Variants in KCNT1 observed in about 807,000 individuals in gnomAD.
The protein encoded by KCNT1 is potassium sodium-activated channel subfamily T member 1.
In KCNT1, 78 loss-of-function variants were observed where a neutral mutation model predicts 147.8. The ratio of observed to expected loss-of-function variants is 0.53; its 90% CI spans 0.44 to 0.64. KCNT1 has a LOEUF of 0.64. Ranked by LOEUF, KCNT1 falls within the 30% of genes least tolerant of loss-of-function variation. The pLI, the probability that KCNT1 is intolerant of heterozygous loss-of-function variation, is 0.00. For missense variants in KCNT1, 1,419 were observed against 1,750.3 expected (o/e 0.81, Z 3.38); for synonymous variants, 867 against 748.8 (o/e 1.16, Z -2.58).
intron 2 of KCNT1, chr9:135,736,794 G>C (rs1281607727): frequency 2.7e-6 from 1 of 376,094 alleles, no homozygotes; most frequent in Non-Finnish European, 4.7e-6. Context: ...AGAGGTAGGG[G>C]CGCGCGGGCC....
intron 24 of KCNT1, among the ~76,000 whole-genome samples, chr9:135,780,405 GACAC>G (rs1446528676): frequency 6.6e-6 from 1 of 152,160 alleles, no homozygotes; most frequent in African/African-American, 2.4e-5. Context: ...CCAGGCAGAG[GACAC>G]ACACGGGCAC....
At chr9:135,741,134 C>T (rs556821894) in intron 2 of KCNT1, among the ~76,000 whole-genome samples, 83 of 152,352 alleles carry the variant, frequency 5.4e-4, no homozygotes, top group African/African-American at 1.9e-3. Context: ...TCCTGGGCCT[C>T]AGGCTGTGGG....
chr9:135,769,130 TG>T (rs1832551343), intron 15 of KCNT1, among the ~76,000 whole-genome samples, 193 bp downstream of exon 15: 1 of 67,830 alleles, frequency 1.5e-5, no homozygotes, highest in African/African-American at 6.1e-5. Context: ...TCGGTGCGTC[TG>T]GGGCAGGGCG....
intron 2 of KCNT1, among the ~76,000 whole-genome samples, chr9:135,748,317 C>T (rs1383386693): frequency 6.6e-6 from 1 of 152,080 alleles, no homozygotes; most frequent in African/African-American, 2.4e-5. Context: ...AAGGCCCCTC[C>T]CGCCCGCCCC....
chr9:135,715,927 G>A (rs185604017), intron 2 of KCNT1, among the ~76,000 whole-genome samples: 1 of 152,270 alleles, frequency 6.6e-6, no homozygotes, highest in Non-Finnish European at 1.5e-5. Flanking sequence ...CTGCAGAGAG[G>A]CCTTTTAAAC....
rs1831249657 is a variant in KCNT1, at chr9:135,752,668, GTGGA to G, written c.435-1264_435-1261del. Among the ~76,000 whole-genome samples, 1 of 145,404 alleles carries G rather than the reference GTGGA, an allele frequency of 6.9e-6. No individual in the cohort carries two copies. The highest frequency in any genetic ancestry group is 1.5e-5 in the Non-Finnish European group (1 of 64,804). ...ACGGACGGATGGACGGATGGATGGA[GTGGA>G]TGGAGGGATGAGTGGATGGGTGGAT... is the stretch of plus-strand genomic sequence containing the variant. On this transcript the variant is annotated intron_variant, in intron 4 of 30. Transcript: ENST00000371757. The surrounding 1 kb of genome is among the most constrained non-coding windows in gnomAD (Gnocchi z 5.1).
At position 135,749,994 on chromosome 9, in the gene KCNT1, CA is replaced by C. The variant is rs1322614990; in HGVS notation, c.255-103del. 3.5e-6 allele frequency: 3 copies of C among 867,646 alleles called. No individual in the cohort carries two copies. The East Asian group carries it at 7.7e-5, about 22-fold the overall frequency. The allele number at this position is 867,646 out of a possible 1,614,324, so 53.7% of individuals were successfully genotyped here. ...CTGGGCCCTGACTTCTCAACTCCTG[CA>C]GTTGGAAAGTTGGAAGAAGTCAGTC... is the stretch of plus-strand genomic sequence containing the variant. On this transcript the variant is annotated intron_variant, in intron 2 of 30. Transcript: ENST00000371757.
chr9:135,763,957 G>A (rs1159954079), intron 11 of KCNT1, among the ~76,000 whole-genome samples: 5 of 152,166 alleles, frequency 3.3e-5, no homozygotes, highest in African/African-American at 9.7e-5. Context: ...CACCATCCGC[G>A]GGGAAGCCTC....
intron 20 of KCNT1, among the ~76,000 whole-genome samples, chr9:135,776,356 C>T (rs1833170289): frequency 6.6e-6 from 1 of 152,172 alleles, no homozygotes; most frequent in Non-Finnish European, 1.5e-5. Context: ...CTCCCAGGCT[C>T]AAGGGGTCCT....
chr9:135,703,558 C>T (rs114497267), intron 1 of KCNT1, among the ~76,000 whole-genome samples: 1,778 of 152,278 alleles, frequency 0.012, 26 homozygotes, highest in African/African-American at 0.04. Context: ...TGGTGATGTC[C>T]TTGGGAAGTG....
At chr9:135,742,186 G>C (rs1313716766) in intron 2 of KCNT1, among the ~76,000 whole-genome samples, 2 of 152,214 alleles carry the variant, frequency 1.3e-5, no homozygotes, top group Admixed American at 1.3e-4. Context: ...ATCGCAGGGA[G>C]CCTTGGGGCA....
intron 1 of KCNT1, among the ~76,000 whole-genome samples, chr9:135,704,552 G>A (rs1835171211): frequency 6.6e-6 from 1 of 152,238 alleles, no homozygotes; most frequent in South Asian, 2.1e-4. Context: ...GATGACAGCT[G>A]TTGTAGGACA....
intron 29 of KCNT1, chr9:135,788,987 C>T (rs1437935492): frequency 1.3e-5 from 2 of 151,172 alleles, no homozygotes; most frequent in Non-Finnish European, 3.0e-5. Context: ...GCCACAATGC[C>T]CTTGCACCCG....
chr9:135,778,646 T>C, intron 22 of KCNT1, 42 bp from the exon 23 acceptor site: 3 of 1,610,456 alleles, frequency 1.9e-6, no homozygotes, highest in Non-Finnish European at 1.7e-6. Context: ...GGGTGGGGAG[T>C]GGGCCGCATC....
In KCNT1 at chr9:135,732,024, A is replaced by AGAGAGAGAGGGAGAGG. The variant is rs1554766183; in HGVS notation, c.254+17313_254+17314insGGAGAGGGAGAGAGAG. 2.6e-4 allele frequency among the ~76,000 whole-genome samples: 17 copies of AGAGAGAGAGGGAGAGG among 65,116 alleles called. 1 individual carries two copies. The highest frequency in any genetic ancestry group is 6.8e-4 in the South Asian group (1 of 1,476). The allele number at this position is 65,116 out of a possible 152,430, so 42.7% of individuals were successfully genotyped here. A position where few individuals can be genotyped will look rare whatever the true frequency, so the allele number is the denominator to read the frequency against. On this transcript the variant is annotated intron_variant, in intron 2 of 30. Transcript: ENST00000371757. Reference sequence around the variant, plus strand: ...GAGAGAGAGAGAGAGAGAGAGAGAGAGAGAGAGAGAGAGAGAGGGAGTCTC... The same window carrying AGAGAGAGAGGGAGAGG: ...GAGAGAGAGAGAGAGAGAGAGAGAGAGAGAGAGAGGGAGAGGGAGAGAGAGAGAGAGAGGGAGTCTC...
chr9:135,766,362 TAGGGTGGACCATCC>T (rs1019764731), intron 13 of KCNT1, among the ~76,000 whole-genome samples: 3 of 143,176 alleles, frequency 2.1e-5, no homozygotes, highest in Non-Finnish European at 4.6e-5. Flanking sequence ...GATGGATCTC[TAGGGTGGACCATCC>T]AGGGTGGATC....
chr9:135,721,706 T>A (rs1004781604), intron 2 of KCNT1, among the ~76,000 whole-genome samples: 4 of 152,222 alleles, frequency 2.6e-5, no homozygotes, highest in African/African-American at 9.6e-5. Flanking sequence ...TCCATGTGCT[T>A]TACGGTGTCC....
rs1011010773 is a variant in KCNT1 at position 135,785,440 on chromosome 9, G to A, written c.3177+110G>A. 7 of 1,195,516 alleles carry A rather than the reference G, an allele frequency of 5.9e-6. No homozygotes were observed. In the East Asian group the frequency reaches 1.3e-4, roughly 22 times the overall value. The allele number at this position is 1,195,516 out of a possible 1,614,324, so 74.1% of individuals were successfully genotyped here. A position where few individuals can be genotyped will look rare whatever the true frequency, so the allele number is the denominator to read the frequency against. ...CCACCCACCCACCCACAGGGCCCTG[G>A]GAAAGCCGAGGCAGGAGCGGGTCCC... On this transcript the variant is annotated intron_variant, in intron 28 of 30. Coordinates refer to ENST00000371757, the MANE Select transcript of KCNT1 (RefSeq NM_020822.3).
intron 1 of KCNT1, among the ~76,000 whole-genome samples, chr9:135,710,880 C>A (rs578074752): frequency 6.6e-6 from 1 of 152,202 alleles, no homozygotes; most frequent in African/African-American, 2.4e-5. Context: ...AGAAGACCTC[C>A]GTCTTCCGCC....
Sources: allele counts gnomAD v4.1 joint callset (sites outside exome capture counted in the v4.1 genomes callset), GRCh38; gene constraint gnomAD v4.1.1; non-coding constraint Gnocchi (gnomAD v3.1); transcripts MANE v1.5; gene names NCBI Gene and HGNC (gene_info 2026-07-23, HGNC 2026-07-21).